ARB2A: variants seen among roughly 807,000 people sequenced by gnomAD.
The protein encoded by ARB2A is cotranscriptional regulator ARB2A.
the ARB2A span, among the ~76,000 whole-genome samples, chr5:93,668,972 A>C: frequency 6.6e-6 from 1 of 152,212 alleles, no homozygotes; most frequent in Admixed American, 6.5e-5. Flanking sequence ...CAAGCTGATA[A>C]TTACAACAAA....
At chr5:93,836,194 A>AT in the ARB2A span, among the ~76,000 whole-genome samples, 1 of 151,964 alleles carries the variant, frequency 6.6e-6, no homozygotes, top group African/African-American at 2.4e-5. Context: ...CGCCCGGCTA[A>AT]TTTTTTGTGT....
the ARB2A span, among the ~76,000 whole-genome samples, chr5:93,646,564 T>C: frequency 1.3e-5 from 2 of 152,122 alleles, no homozygotes; most frequent in Non-Finnish European, 2.9e-5. Flanking sequence ...TTTCAGCCAA[T>C]ATTTTTTTCC....
At chr5:93,755,403 G>A in the ARB2A span, among the ~76,000 whole-genome samples, 1 of 152,184 alleles carries the variant, frequency 6.6e-6, no homozygotes, top group Non-Finnish European at 1.5e-5. Context: ...CGGGAGGCAG[G>A]ACTGGATTGC....
the ARB2A span, among the ~76,000 whole-genome samples, chr5:93,711,801 A>C: frequency 1.3e-5 from 2 of 152,238 alleles, no homozygotes; most frequent in Non-Finnish European, 2.9e-5. Flanking sequence ...GGCTGACTTG[A>C]TTTACAGTAG....
the ARB2A span, among the ~76,000 whole-genome samples, chr5:93,687,219 CAAAT>C: frequency 6.6e-6 from 1 of 152,046 alleles, no homozygotes; most frequent in Non-Finnish European, 1.5e-5. Context: ...CACTGCTTAC[CAAAT>C]AAATACAAAT....
chr5:93,635,459 G>GTT, the ARB2A span, among the ~76,000 whole-genome samples: 161 of 128,896 alleles, frequency 1.2e-3, no homozygotes, highest in Admixed American at 1.7e-3. Context: ...TTATACGAAA[G>GTT]TTTTTTTTTT....
the ARB2A span, among the ~76,000 whole-genome samples, chr5:93,643,560 T>C: frequency 0.034 from 5,135 of 152,268 alleles, 271 homozygotes; most frequent in African/African-American, 0.12. Flanking sequence ...AATGGCATGA[T>C]CTCAGCTCAC....
chr5:93,846,280 G>T, the ARB2A span, among the ~76,000 whole-genome samples: 3 of 151,904 alleles, frequency 2.0e-5, no homozygotes, highest in Non-Finnish European at 4.4e-5. Context: ...GAGTAGGGAG[G>T]ATCACCTGAG....
At chr5:93,703,396 T>G in the ARB2A span, among the ~76,000 whole-genome samples, 1 of 152,220 alleles carries the variant, frequency 6.6e-6, no homozygotes, top group Non-Finnish European at 1.5e-5. Context: ...ACACCCACTA[T>G]AAAGGTAAGC....
chr5:93,767,481 C>T, the ARB2A span, among the ~76,000 whole-genome samples: 1 of 152,050 alleles, frequency 6.6e-6, no homozygotes, highest in African/African-American at 2.4e-5. Context: ...CCTTAAAGAA[C>T]TAAAAGTAGA....
the ARB2A span, chr5:94,053,140 T>C: frequency 1.9e-6 from 3 of 1,585,410 alleles, no homozygotes; most frequent in East Asian, 2.3e-5. Flanking sequence ...ATTAAAAGCA[T>C]ATTCAAATCC....
At chr5:93,635,459 G>GTTTTTTTTTTTTTT in the ARB2A span, among the ~76,000 whole-genome samples, 189 of 128,894 alleles carry the variant, frequency 1.5e-3, 9 homozygotes, top group African/African-American at 5.8e-3. Flanking sequence ...TTATACGAAA[G>GTTTTTTTTTTTTTT]TTTTTTTTTT....
chr5:93,686,727 C>A, the ARB2A span, among the ~76,000 whole-genome samples: 1 of 152,128 alleles, frequency 6.6e-6, no homozygotes, highest in African/African-American at 2.4e-5. Context: ...ACTGGCTTGT[C>A]CCTGGCTAAC....
the ARB2A span, among the ~76,000 whole-genome samples, chr5:93,998,970 G>C: frequency 3.3e-5 from 5 of 151,966 alleles, no homozygotes; most frequent in Non-Finnish European, 7.4e-5. Flanking sequence ...ACAATTTTAA[G>C]AATGTTATGC....
At chr5:93,848,338 G>A in the ARB2A span, among the ~76,000 whole-genome samples, 8 of 151,044 alleles carry the variant, frequency 5.3e-5, no homozygotes, top group African/African-American at 9.7e-5. Flanking sequence ...AGCTGAGATC[G>A]TGCCACTGCA....
the ARB2A span, among the ~76,000 whole-genome samples, chr5:93,848,776 T>C: frequency 1.3e-5 from 2 of 152,208 alleles, no homozygotes; most frequent in Admixed American, 1.3e-4. Flanking sequence ...ATAAAGATTG[T>C]TGGGAGTAGA....
the ARB2A span, among the ~76,000 whole-genome samples, chr5:93,835,163 A>T: frequency 6.6e-6 from 1 of 152,204 alleles, no homozygotes; most frequent in Admixed American, 6.5e-5. Flanking sequence ...CTTAAATGCC[A>T]AACAGAAGTG....
chr5:93,878,463 T>C, the ARB2A span, among the ~76,000 whole-genome samples: 1 of 151,902 alleles, frequency 6.6e-6, no homozygotes, highest in Non-Finnish European at 1.5e-5. Context: ...ACAGGCTTTA[T>C]TAGTTGCAAT....
the ARB2A span, among the ~76,000 whole-genome samples, chr5:93,870,669 C>CA: frequency 2.2e-4 from 33 of 152,184 alleles, no homozygotes; most frequent in Admixed American, 2.2e-3. Flanking sequence ...TGTGACTTAG[C>CA]ACCTACGAAG....
Sources: gnomAD v4.1 joint callset for allele counts (sites outside exome capture counted in the v4.1 genomes callset) on GRCh38, gnomAD v4.1.1 for gene constraint, MANE v1.5 for transcripts, NCBI Gene and HGNC (gene_info 2026-07-23, HGNC 2026-07-21) for gene names.